HSD17B2: variants seen among roughly 807,000 people sequenced by gnomAD.
The protein encoded by HSD17B2 is 17-beta-hydroxysteroid dehydrogenase type 2.
A neutral mutation model predicts 26.9 loss-of-function variants in HSD17B2; 32 were observed. The ratio of observed to expected loss-of-function variants is 1.19; its 90% CI spans 0.90 to 1.60. The LOEUF (loss-of-function observed/expected upper bound fraction) is 1.60, where lower values mean the gene tolerates loss of function less well. Ranked by LOEUF, HSD17B2 falls within the 40% of genes most tolerant of loss-of-function variation. The pLI is 0.00. For missense variants in HSD17B2, 613 were observed against 468.6 expected (o/e 1.31, Z -2.85); for synonymous variants, 246 against 186.7 (o/e 1.32, Z -2.59).
chr16:82,041,002 A>G (rs982125989), intron 1 of HSD17B2, among the ~76,000 whole-genome samples: 5 of 152,206 alleles, frequency 3.3e-5, no homozygotes, highest in African/African-American at 1.2e-4. Flanking sequence ...ATGCGGTTTA[A>G]GTTTTACCTT....
chr16:82,035,701 G>A lies in HSD17B2; in HGVS notation c.265+12G>A, dbSNP rs1245975328. On this transcript the variant is annotated intron_variant, in intron 1 of 4. Coordinates refer to ENST00000199936, the MANE Select transcript of HSD17B2 (RefSeq NM_002153.3). ...AGTCCTGGTGACAGGTAAGCAGACG[G>A]TGCTACAATTTTCACTGAGGGTATG... The A allele has an allele frequency of 1.9e-6, 3 of 1,610,714 alleles. No individual in the cohort carries two copies. Among genetic ancestry groups the A allele is most frequent in the South Asian group, 1.1e-5 (1 of 90,660 alleles).
At chr16:82,070,161 G>A (rs1458740156) in intron 2 of HSD17B2, among the ~76,000 whole-genome samples, 1 of 151,922 alleles carries the variant, frequency 6.6e-6, no homozygotes, top group Non-Finnish European at 1.5e-5. Flanking sequence ...CTGCCATTCT[G>A]CAAATCGGTT....
Position 82,070,252 on chromosome 16 carries a change from G to C in HSD17B2, c.479-690G>C, listed in dbSNP as rs537311463. Among the ~76,000 whole-genome samples the C allele has an allele frequency of 3.5e-4, 54 of 152,204 alleles. No individual in the cohort carries two copies. The South Asian group carries it at 0.011, about 31-fold the overall frequency. On this transcript the variant is annotated intron_variant, in intron 2 of 4. Transcript: ENST00000199936. ...AAGCCAGCAACCTGCGGGTCACTGA[G>C]ACCCTCAGCTTATCCTCAGTGCCTG...
intron 4 of HSD17B2, chr16:82,097,230 CTA>C (rs1567595419): frequency 1.4e-5 from 2 of 146,852 alleles, no homozygotes; most frequent in Non-Finnish European, 3.0e-5. Flanking sequence ...ATGTCTATGT[CTA>C]TGTCTATGTC....
At chr16:82,049,653 T>G (rs1157493437) in intron 1 of HSD17B2, among the ~76,000 whole-genome samples, 1 of 152,230 alleles carries the variant, frequency 6.6e-6, no homozygotes. Context: ...ATCAGGAGAC[T>G]GACATTCCCA....
chr16:82,062,279 T>C (rs1797486903), intron 1 of HSD17B2, among the ~76,000 whole-genome samples: 2 of 152,134 alleles, frequency 1.3e-5, no homozygotes, highest in Admixed American at 6.5e-5. Context: ...AGTTGATGGG[T>C]TTCCAGGCTG....
intron 3 of HSD17B2, among the ~76,000 whole-genome samples, chr16:82,085,096 A>T (rs1904486634): frequency 6.6e-6 from 1 of 152,202 alleles, no homozygotes; most frequent in Non-Finnish European, 1.5e-5. Context: ...CAAGTCTACA[A>T]ATTAAAAGAT....
rs111435579 is a variant in HSD17B2, at chr16:82,071,510, T to C, written c.664+383T>C. The C allele has an allele frequency of 3.6e-5, 12 of 336,958 alleles. 1 individual carries two copies. Among genetic ancestry groups the C allele is most frequent in the African/African-American group, 1.9e-4 (9 of 46,742 alleles). 20.9% of individuals were successfully genotyped at this position (336,958 alleles called of 1,614,324 possible). A position where few individuals can be genotyped will look rare whatever the true frequency, so the allele number is the denominator to read the frequency against. On this transcript the variant is annotated intron_variant, in intron 3 of 4. Transcript: ENST00000199936. ...TTAACACACTGTGTTCAGTTCCCTGTAAGCTGAGTAGGCAATACCTTCCCT... is the reference window on the plus strand; with the variant it reads ...TTAACACACTGTGTTCAGTTCCCTGCAAGCTGAGTAGGCAATACCTTCCCT...
chr16:82,071,002 T>C lies in HSD17B2; in HGVS notation c.539T>C (p.Leu180Pro). 6.2e-7 allele frequency: 1 copy of C among 1,614,228 alleles called. No individual in the cohort carries two copies. Among genetic ancestry groups the C allele is most frequent in the Non-Finnish European group, 8.5e-7 (1 of 1,180,016 alleles). Residue 180 changes from leucine (L) to proline (P), a missense_variant, in exon 3 of 5, where the codon CTT becomes CCT. Transcript: ENST00000199936. ...GGCTTTCCAACTGATGGGGAGCTTCTTCTTATGACTGACTACAAACAATGC... is the reference window on the plus strand; with the variant it reads ...GGCTTTCCAACTGATGGGGAGCTTCCTCTTATGACTGACTACAAACAATGC... ...VLGFPTDGEL[L>P]LMTDYKQCMA...
At chr16:82,043,684 C>CAAAAAAAAAAAAAAAAAA (rs398030034) in intron 1 of HSD17B2, among the ~76,000 whole-genome samples, 1 of 22,550 alleles carries the variant, frequency 4.4e-5, no homozygotes, top group African/African-American at 3.5e-4. Context: ...AACTCTGTCT[C>CAAAAAAAAAAAAAAAAAA]AAAAAAAAAA....
rs1264834086 is a variant in HSD17B2, at chr16:82,098,465, T to C, written c.*29T>C. 1.2e-5 allele frequency: 18 copies of C among 1,550,616 alleles called. No homozygotes were observed. Among genetic ancestry groups the C allele is most frequent in the Non-Finnish European group, 1.5e-5 (17 of 1,153,450 alleles). On this transcript the variant is annotated 3_prime_UTR_variant, in exon 5 of 5. Transcript: ENST00000199936. ...ATGGAAGCCCTCAAAGAAGTCGGAA[T>C]GTCATAGTCTTGAAATGAAAGGGAA...
intron 3 of HSD17B2, among the ~76,000 whole-genome samples, chr16:82,087,285 TTAAG>T (rs1472982143): frequency 6.6e-6 from 1 of 152,192 alleles, no homozygotes; most frequent in African/African-American, 2.4e-5. Flanking sequence ...AGAATTCACA[TTAAG>T]TGTTTTTACC....
At chr16:82,086,321 C>T (rs957429586) in intron 3 of HSD17B2, among the ~76,000 whole-genome samples, 24 of 152,156 alleles carry the variant, frequency 1.6e-4, no homozygotes, top group African/African-American at 4.8e-4. Flanking sequence ...TACTGATACA[C>T]GCTACAACAT....
chr16:82,085,104 G>A lies in HSD17B2; in HGVS notation c.665-5798G>A, dbSNP rs72547420. Among the ~76,000 whole-genome samples, 183 of 152,296 alleles carry A rather than the reference G, an allele frequency of 1.2e-3. 2 individuals carry two copies. Among genetic ancestry groups the A allele is most frequent in the African/African-American group, 4.4e-3 (182 of 41,564 alleles). On this transcript the variant is annotated intron_variant, in intron 3 of 4. Coordinates refer to ENST00000199936, the MANE Select transcript of HSD17B2 (RefSeq NM_002153.3). ...ATTCTTACAAGTCTACAAATTAAAA[G>A]ATCTAGAAGAGTTCACAGTTTCAGC... is the stretch of plus-strand genomic sequence containing the variant.
At chr16:82,053,306 G>A (rs951829749) in intron 1 of HSD17B2, among the ~76,000 whole-genome samples, 1 of 152,146 alleles carries the variant, frequency 6.6e-6, no homozygotes, top group African/African-American at 2.4e-5. Flanking sequence ...TACAGGTAGA[G>A]AAGATTTGGA....
intron 3 of HSD17B2, among the ~76,000 whole-genome samples, chr16:82,075,442 G>T (rs142226024): frequency 0.01 from 1,532 of 151,924 alleles, 26 homozygotes; most frequent in African/African-American, 0.035. Context: ...AAACAAAATT[G>T]ACAAACTTTT....
intron 4 of HSD17B2, chr16:82,091,489 T>C (rs932920655): frequency 4.6e-5 from 9 of 197,300 alleles, no homozygotes; most frequent in Non-Finnish European, 6.2e-5. Flanking sequence ...TGCTTCTGCA[T>C]TGCAAGAGCT....
intron 3 of HSD17B2, chr16:82,090,094 C>A (rs1274582492): frequency 7.2e-6 from 2 of 278,874 alleles, no homozygotes; most frequent in Non-Finnish European, 1.1e-5. Context: ...TAAAGAGATG[C>A]CCCACCATTT....
chr16:82,072,700 A>G (rs1914724354), intron 3 of HSD17B2, among the ~76,000 whole-genome samples: 1 of 152,206 alleles, frequency 6.6e-6, no homozygotes, highest in African/African-American at 2.4e-5. Flanking sequence ...ATCAGTGAAG[A>G]AATGCAAGTG....
Sources: gnomAD v4.1 joint callset for allele counts (sites outside exome capture counted in the v4.1 genomes callset) on GRCh38, gnomAD v4.1.1 for gene constraint, MANE v1.5 for transcripts, NCBI Gene and HGNC (gene_info 2026-07-23, HGNC 2026-07-21) for gene names.